The following ADCY8 variants were observed in gnomAD, a reference collection of about 807,000 sequenced individuals.
The protein encoded by ADCY8 is adenylate cyclase type 8.
ADCY8 carries 51 observed loss-of-function variants against 119.7 expected under a neutral mutation model. The ratio of observed to expected loss-of-function variants is 0.43; its 90% CI spans 0.34 to 0.54. The LOEUF (loss-of-function observed/expected upper bound fraction) is 0.54. Among genes scored for constraint, ADCY8 ranks in the 20% least tolerant of loss-of-function variants. ADCY8 has a pLI of 0.03. For missense variants in ADCY8, 1,383 were observed against 1,598.8 expected (o/e 0.87, Z 2.30); for synonymous variants, 665 against 651.0 (o/e 1.02, Z -0.33).
At chr8:130,858,832 A>G (rs1233812628) in intron 9 of ADCY8, among the ~76,000 whole-genome samples, 2 of 151,886 alleles carry the variant, frequency 1.3e-5, no homozygotes, top group Non-Finnish European at 2.9e-5. Context: ...AATTTATTCC[A>G]GCTTTGGCCC....
intron 5 of ADCY8, among the ~76,000 whole-genome samples, chr8:130,929,198 T>A (rs1820558622): frequency 6.6e-6 from 1 of 152,146 alleles, no homozygotes; most frequent in Admixed American, 6.5e-5. Flanking sequence ...ACTTTGGACT[T>A]AGTTTGTTCT....
rs747328695 is a variant in ADCY8, at chr8:130,849,625, A to AATT, written c.2386_2388dup (p.Asn796dup). 1 of 1,613,986 alleles carries AATT rather than the reference A, an allele frequency of 6.2e-7. No homozygotes were observed. The highest frequency in any genetic ancestry group is 8.5e-7 in the Non-Finnish European group (1 of 1,179,880). ...ACGATATTTAAGATGGCACCCAGGA[A>AATT]ATTAATCAAAATGGATGCAAAGATG... is the stretch of plus-strand genomic sequence containing the variant. On this transcript the variant is annotated inframe_insertion, in exon 10 of 18. Transcript: ENST00000286355.
chr8:130,901,242 C>CTTTTTTTTTTTTTTTTTTTTTTTT, intron 7 of ADCY8, among the ~76,000 whole-genome samples: 1 of 115,582 alleles, frequency 8.7e-6, no homozygotes. Flanking sequence ...CATCCCTCCT[C>CTTTTTTTTTTTTTTTTTTTTTTTT]TTTTTTTTTT....
chr8:130,890,771 T>C (rs28380300), intron 7 of ADCY8, among the ~76,000 whole-genome samples: 13,886 of 152,222 alleles, frequency 0.091, 668 homozygotes, highest in African/African-American at 0.1. Flanking sequence ...GACCAGCACC[T>C]GGGCTAACTT....
rs568332545 is a variant in ADCY8, at chr8:130,899,289, C to T, written c.1911+4483G>A. Among the ~76,000 whole-genome samples the T allele has an allele frequency of 5.9e-4, 90 of 152,260 alleles. 1 individual carries two copies. The South Asian group carries it at 0.011, about 19-fold the overall frequency. On this transcript the variant is annotated intron_variant, in intron 7 of 17. Transcript: ENST00000286355. ...ACACTTATATGTTTTGATTAATTGT[C>T]TGCATTCCTCACTCCTTTGAAATGT...
Position 130,806,112 on chromosome 8 carries a change from C to T in ADCY8, c.2914-5540G>A, listed in dbSNP as rs149390222. 1.9e-4 allele frequency among the ~76,000 whole-genome samples: 29 copies of T among 152,266 alleles called. 1 individual carries two copies. In the East Asian group the frequency reaches 5.2e-3, roughly 28 times the overall value. On this transcript the variant is annotated intron_variant, in intron 14 of 17. Coordinates refer to ENST00000286355, the MANE Select transcript of ADCY8 (RefSeq NM_001115.3). ...AGGAACGTGGGAAGAGAGGAGCGCTCGACCCCCACAGCTGTGGGCACATGA... is the reference window on the plus strand; with the variant it reads ...AGGAACGTGGGAAGAGAGGAGCGCTTGACCCCCACAGCTGTGGGCACATGA...
intron 1 of ADCY8, among the ~76,000 whole-genome samples, chr8:131,019,825 C>CTCTCTG: frequency 8.0e-6 from 1 of 124,692 alleles, no homozygotes; most frequent in African/African-American, 3.4e-5. Flanking sequence ...CTCTCTCTCT[C>CTCTCTG]TCTCTCTCTC....
chr8:130,999,351 C>T (rs1822873489), intron 1 of ADCY8, among the ~76,000 whole-genome samples: 1 of 152,172 alleles, frequency 6.6e-6, no homozygotes, highest in African/African-American at 2.4e-5. Context: ...CCCCCAACCC[C>T]AGGAGTGGAA....
intron 3 of ADCY8, among the ~76,000 whole-genome samples, chr8:130,948,311 T>C (rs1009594659): frequency 1.3e-5 from 2 of 151,978 alleles, no homozygotes; most frequent in Admixed American, 6.5e-5. Flanking sequence ...ATCGGGTAGG[T>C]GGGATGGAGA....
chr8:130,908,714 A>C (rs1408912083), intron 6 of ADCY8, among the ~76,000 whole-genome samples: 2 of 152,176 alleles, frequency 1.3e-5, no homozygotes. Context: ...GCCTGAGATC[A>C]CACAGGTAGA....
chr8:130,897,503 G>T (rs1283808073), intron 7 of ADCY8, among the ~76,000 whole-genome samples: 1 of 151,460 alleles, frequency 6.6e-6, no homozygotes, highest in African/African-American at 2.4e-5. Context: ...GTGTTGCCTT[G>T]TTCCAGGCAA....
At chr8:130,935,925 G>C (rs1224027653) in intron 5 of ADCY8, among the ~76,000 whole-genome samples, 1 of 152,152 alleles carries the variant, frequency 6.6e-6, no homozygotes, top group African/African-American at 2.4e-5. Flanking sequence ...GGTATGCTCT[G>C]ATTCCACCTT....
chr8:130,837,334 C>T (rs1404889140), intron 11 of ADCY8, among the ~76,000 whole-genome samples: 1 of 152,182 alleles, frequency 6.6e-6, no homozygotes, highest in East Asian at 1.9e-4. Context: ...CTAAACCCTT[C>T]TCCCAAGTCC....
At chr8:130,901,605 C>T (rs1375796062) in intron 7 of ADCY8, among the ~76,000 whole-genome samples, 1 of 152,154 alleles carries the variant, frequency 6.6e-6, no homozygotes, top group Non-Finnish European at 1.5e-5. Flanking sequence ...AATTATGTCT[C>T]TGAATTGCAC....
intron 5 of ADCY8, among the ~76,000 whole-genome samples, chr8:130,911,083 A>G (rs921289070): frequency 6.6e-6 from 1 of 152,194 alleles, no homozygotes; most frequent in Non-Finnish European, 1.5e-5. Flanking sequence ...CGCCATTAAT[A>G]TTCCTTCTAG....
chr8:130,903,697 C>T, intron 7 of ADCY8, 75 bp downstream of exon 7: 1 of 1,528,062 alleles, frequency 6.5e-7, no homozygotes, highest in Non-Finnish European at 8.9e-7. Flanking sequence ...AATCAGTTTT[C>T]TCTGAGGTGT....
intron 5 of ADCY8, among the ~76,000 whole-genome samples, chr8:130,925,423 T>A (rs577448080): frequency 6.6e-6 from 1 of 152,168 alleles, no homozygotes; most frequent in Non-Finnish European, 1.5e-5. Flanking sequence ...ATTTTCCTAT[T>A]TGAAATTGGG....
chr8:130,908,122 A>C (rs565929813), intron 6 of ADCY8, among the ~76,000 whole-genome samples: 1 of 152,302 alleles, frequency 6.6e-6, no homozygotes, highest in African/African-American at 2.4e-5. Context: ...TGCTGATTTA[A>C]ACTTGGTCAC....
intron 7 of ADCY8, among the ~76,000 whole-genome samples, chr8:130,898,673 A>G (rs1054358055): frequency 9.2e-5 from 14 of 152,216 alleles, no homozygotes; most frequent in African/African-American, 3.4e-4. Context: ...AACAAATTCC[A>G]GGCTCTGAAA....
Sources: gnomAD v4.1 joint callset for allele counts (sites outside exome capture counted in the v4.1 genomes callset) on GRCh38, gnomAD v4.1.1 for gene constraint, MANE v1.5 for transcripts, NCBI Gene and HGNC (gene_info 2026-07-23, HGNC 2026-07-21) for gene names.